The following AGMO variants were observed in gnomAD, a reference collection of about 807,000 sequenced individuals.
AGMO encodes glyceryl-ether monooxygenase.
Under a neutral mutation model 60.2 loss-of-function variants are expected in AGMO, and 75 were observed. The observed-to-expected ratio is 1.25, with a 90% CI of 1.03 to 1.51. The LOEUF is 1.51. Among genes scored for constraint, AGMO ranks in the 40% most tolerant of loss-of-function variants. AGMO has a pLI of 0.00. For synonymous variants in AGMO, 261 were observed against 177.1 expected (o/e 1.47, Z -3.76); for missense variants, 763 against 525.5 (o/e 1.45, Z -4.42).
At chr7:15,163,375 G>C in the AGMO span, among the ~76,000 whole-genome samples, 57 of 152,108 alleles carry the variant, frequency 3.7e-4, no homozygotes, top group African/African-American at 1.3e-3. Context: ...AGAGTGGTGA[G>C]AGTGGACATC....
At chr7:15,292,418 G>A (rs535765160) in intron 12 of AGMO, among the ~76,000 whole-genome samples, 38 of 152,266 alleles carry the variant, frequency 2.5e-4, no homozygotes, top group African/African-American at 8.2e-4. Context: ...TGGGTGATAA[G>A]AGCAAGGAAA....
At chr7:15,470,677 T>G (rs1048247073) in intron 3 of AGMO, among the ~76,000 whole-genome samples, 1 of 151,964 alleles carries the variant, frequency 6.6e-6, no homozygotes, top group Non-Finnish European at 1.5e-5. Context: ...ACTTTCCTGG[T>G]TTTTTTCACT....
intron 4 of AGMO, among the ~76,000 whole-genome samples, chr7:15,419,119 A>G (rs1376419056): frequency 1.3e-5 from 2 of 151,916 alleles, no homozygotes; most frequent in Non-Finnish European, 2.9e-5. Context: ...AGAGGACAGC[A>G]TATACTTTTC....
chr7:15,227,219 A>C (rs771359805), intron 12 of AGMO, among the ~76,000 whole-genome samples: 14 of 152,232 alleles, frequency 9.2e-5, no homozygotes, highest in Admixed American at 2.6e-4. Context: ...GTATATTCTC[A>C]GTAACAAATA....
intron 12 of AGMO, among the ~76,000 whole-genome samples, chr7:15,361,563 G>C (rs1782762002): frequency 1.4e-5 from 1 of 72,622 alleles, no homozygotes; most frequent in East Asian, 3.6e-4. Context: ...AAGGTTTTGA[G>C]ATTTAGATTA....
At chr7:15,374,917 C>T (rs1013720934) in intron 10 of AGMO, among the ~76,000 whole-genome samples, 4 of 151,984 alleles carry the variant, frequency 2.6e-5, no homozygotes, top group Admixed American at 6.6e-5. Context: ...TCAGCTCATG[C>T]GTGATACCCT....
Position 15,331,478 on chromosome 7 carries a change from G to C in AGMO, c.1263+34036C>G, listed in dbSNP as rs114547721. ...AGCATGCATGAAAGCATGAAGCCAA[G>C]TGCTTAAAATTCAGGGAAAGGGGTA... On this transcript the variant is annotated intron_variant, in intron 12 of 12. Transcript: ENST00000342526. Among the ~76,000 whole-genome samples the C allele has an allele frequency of 1.2e-3, 189 of 152,270 alleles. 1 individual carries two copies. The highest frequency in any genetic ancestry group is 4.2e-3 in the African/African-American group (176 of 41,564).
In AGMO at chr7:15,550,586, T is replaced by C. The variant is rs1324304522; in HGVS notation, c.258-5663A>G. On this transcript the variant is annotated intron_variant, in intron 2 of 12. Coordinates refer to ENST00000342526, the MANE Select transcript of AGMO (RefSeq NM_001004320.2). ...ATCTAGAAGAAATGGATAAATTCCTTGACACATACACTCTCCCAAGACTAA... is the reference window on the plus strand; with the variant it reads ...ATCTAGAAGAAATGGATAAATTCCTCGACACATACACTCTCCCAAGACTAA... Among the ~76,000 whole-genome samples the C allele has an allele frequency of 3.1e-3, 477 of 151,518 alleles. 3 individuals carry two copies. Among genetic ancestry groups the C allele is most frequent in the African/African-American group, 0.011 (445 of 41,232 alleles).
intron 10 of AGMO, among the ~76,000 whole-genome samples, chr7:15,370,729 T>A (rs903901315): frequency 1.3e-5 from 2 of 152,182 alleles, no homozygotes; most frequent in Non-Finnish European, 2.9e-5. Context: ...CATTTTTTAA[T>A]GTGGCTATTT....
intron 3 of AGMO, among the ~76,000 whole-genome samples, chr7:15,542,592 A>G (rs1784659399): frequency 6.6e-6 from 1 of 152,184 alleles, no homozygotes; most frequent in African/African-American, 2.4e-5. Context: ...AGGTTCTTGA[A>G]AGTATGTAAT....
chr7:15,174,994 G>GATAT, the AGMO span, among the ~76,000 whole-genome samples: 3 of 151,142 alleles, frequency 2.0e-5, no homozygotes, highest in Non-Finnish European at 4.4e-5. Flanking sequence ...AGTTTTAAAG[G>GATAT]ATATATTTGC....
chr7:15,555,972 T>G (rs1045193968), intron 2 of AGMO, among the ~76,000 whole-genome samples: 1 of 151,916 alleles, frequency 6.6e-6, no homozygotes, highest in Admixed American at 6.6e-5. Context: ...GTATTAATAA[T>G]AAAGTACTAT....
intron 10 of AGMO, among the ~76,000 whole-genome samples, chr7:15,376,342 ACT>A (rs1391990982): frequency 6.6e-6 from 1 of 151,924 alleles, no homozygotes; most frequent in Non-Finnish European, 1.5e-5. Flanking sequence ...TGCAGGTGGC[ACT>A]CTCTGCTGTA....
chr7:15,346,447 G>A (rs1341673370), intron 12 of AGMO, among the ~76,000 whole-genome samples: 1 of 151,770 alleles, frequency 6.6e-6, no homozygotes, highest in African/African-American at 2.4e-5. Context: ...TTGTGCTTAG[G>A]ATTTAATTGT....
chr7:15,341,715 G>A, intron 12 of AGMO, among the ~76,000 whole-genome samples: 1 of 152,122 alleles, frequency 6.6e-6, no homozygotes, highest in Non-Finnish European at 1.5e-5. Flanking sequence ...GAGAGAGTGG[G>A]TAATTTATAA....
chr7:15,470,101 T>C (rs958419743), intron 3 of AGMO, among the ~76,000 whole-genome samples: 2 of 151,964 alleles, frequency 1.3e-5, no homozygotes, highest in African/African-American at 2.4e-5. Flanking sequence ...GTAGTCAAGA[T>C]GTAGAAGAAT....
In AGMO at chr7:15,418,620, G is replaced by T. The variant is rs773104971; in HGVS notation, c.547C>A (p.Pro183Thr). The T allele has an allele frequency of 1.2e-5, 19 of 1,577,428 alleles. No homozygotes were observed. Among genetic ancestry groups the T allele is most frequent in the East Asian group, 4.7e-5 (2 of 42,844 alleles). ...FYSPLALFIPPSVYAVHLQFN... is the reference protein window; with the variant it reads ...FYSPLALFIPTSVYAVHLQFN... ...TGAAGATGAACAGCATATACTGAAG[G>T]GGGTATGAAGAGGGCCAGGGGAGAG... Residue 183 changes from proline to threonine, a missense_variant, in exon 5 of 13, where the codon CCT becomes ACT. Coordinates refer to ENST00000342526, the MANE Select transcript of AGMO (RefSeq NM_001004320.2).
At chr7:15,526,267 A>G (rs1002997336) in intron 3 of AGMO, among the ~76,000 whole-genome samples, 1 of 152,198 alleles carries the variant, frequency 6.6e-6, no homozygotes, top group Admixed American at 6.5e-5. Context: ...CCAAATAATA[A>G]ATAAGACTTA....
Position 15,375,141 on chromosome 7 carries a change from GTC to G in AGMO, c.1075-8921_1075-8920del, listed in dbSNP as rs1318421946. Among the ~76,000 whole-genome samples the G allele has an allele frequency of 2.0e-5, 3 of 152,028 alleles. No individual in the cohort carries two copies. The East Asian group carries it at 5.8e-4, about 29-fold the overall frequency. On this transcript the variant is annotated intron_variant, in intron 10 of 12. Transcript: ENST00000342526. ...AGATCCTACAACAGTTGCCAAAAGA[GTC>G]TGTTGTTAACATATTATCTTTTTTG...
Sources: gnomAD v4.1 joint callset for allele counts (sites outside exome capture counted in the v4.1 genomes callset) on GRCh38, gnomAD v4.1.1 for gene constraint, MANE v1.5 for transcripts, NCBI Gene and HGNC (gene_info 2026-07-23, HGNC 2026-07-21) for gene names.